NUP214: variants seen among roughly 807,000 people sequenced by gnomAD.
NUP214 encodes nuclear pore complex protein Nup214.
A neutral mutation model predicts 196.2 loss-of-function variants in NUP214; 79 were observed. The observed-to-expected ratio is 0.40, with a 90% CI of 0.34 to 0.49. NUP214 has a LOEUF of 0.49. Among genes scored for constraint, NUP214 ranks in the 20% least tolerant of loss-of-function variants. The probability of loss-of-function intolerance (pLI) is 0.58; values close to 1 mark genes in which losing one functional copy is unlikely to be tolerated. For missense variants in NUP214, 2,468 were observed against 2,539.0 expected (o/e 0.97, Z 0.60); for synonymous variants, 1,020 against 990.5 (o/e 1.03, Z -0.56).
chr9:131,164,034 A>G lies in NUP214; in HGVS notation c.2810-27A>G, dbSNP rs745366148. On this transcript the variant is annotated intron_variant, in intron 20 of 35. Transcript: ENST00000359428. ...ATATCTTAAAAACTGAGTCTTAATC[A>G]TTTATGGGTTTATGGATTTCTTGCA... 3.7e-6 allele frequency: 6 copies of G among 1,613,892 alleles called. No individual in the cohort carries two copies. In the South Asian group the frequency reaches 5.5e-5, roughly 15 times the overall value.
Position 131,129,343 on chromosome 9 carries a change from T to C in NUP214, c.458T>C (p.Ile153Thr), listed in dbSNP as rs753233041. The C allele has an allele frequency of 5.0e-6, 8 of 1,614,112 alleles. No individual in the cohort carries two copies. In the Admixed American group the frequency reaches 8.3e-5, roughly 17 times the overall value. Reference sequence around the variant, plus strand: ...TTGAAAGATGCAGGAGGCATGGTGATTGATATGAAGTGGAACCCCACTGTC... The same window carrying C: ...TTGAAAGATGCAGGAGGCATGGTGACTGATATGAAGTGGAACCCCACTGTC... The part of the protein sequence containing the change: ...KLLKDAGGMV[I>T]DMKWNPTVPS... Residue 153 changes from isoleucine (I) to threonine (T), a missense_variant, in exon 4 of 36, where the codon ATT becomes ACT. Coordinates refer to ENST00000359428, the MANE Select transcript of NUP214 (RefSeq NM_005085.4).
chr9:131,137,150 C>T (rs191183480), intron 9 of NUP214, among the ~76,000 whole-genome samples: 3 of 152,266 alleles, frequency 2.0e-5, no homozygotes, highest in Admixed American at 2.0e-4. Flanking sequence ...CTTATTAGTA[C>T]AAGTATTTCA....
At chr9:131,181,518 C>T (rs1207566290) in intron 24 of NUP214, among the ~76,000 whole-genome samples, 1 of 152,210 alleles carries the variant, frequency 6.6e-6, no homozygotes. Flanking sequence ...TGGTTATAGT[C>T]ATCCTAGTGG....
Position 131,198,824 on chromosome 9 carries a change from G to A in NUP214, c.5330G>A (p.Ser1777Asn). Residue 1777 changes from serine to asparagine, a missense_variant, in exon 29 of 36, where the codon AGT becomes AAT. Coordinates refer to ENST00000359428, the MANE Select transcript of NUP214 (RefSeq NM_005085.4). ...TSGSVFGAAS[S>N]TSSSSSFSFG... Reference sequence around the variant, plus strand: ...GGAAGTGTCTTTGGTGCCGCCTCAAGTACCAGTAGCTCCAGTTCCTTCTCA... The same window carrying A: ...GGAAGTGTCTTTGGTGCCGCCTCAAATACCAGTAGCTCCAGTTCCTTCTCA... 6.2e-7 allele frequency: 1 copy of A among 1,614,222 alleles called. No individual in the cohort carries two copies. Among genetic ancestry groups the A allele is most frequent in the Non-Finnish European group, 8.5e-7 (1 of 1,180,046 alleles).
chr9:131,128,247 A>T, intron 2 of NUP214, 85 bp from the exon 3 acceptor site: 1 of 1,365,622 alleles, frequency 7.3e-7, no homozygotes, highest in Non-Finnish European at 9.9e-7. Flanking sequence ...AGATGCAAAA[A>T]TTTTTTCACA....
chr9:131,140,529 T>C lies in NUP214; in HGVS notation c.1133-20T>C. On this transcript the variant is annotated intron_variant, in intron 10 of 35. Transcript: ENST00000359428. ...CTTAAATTCACTTGGTTTTTTTATT[T>C]TTGTTTTCTTTTTTAACAGGTGATG... The C allele has an allele frequency of 1.3e-6, 2 of 1,590,450 alleles. No individual in the cohort carries two copies. The highest frequency in any genetic ancestry group is 1.7e-6 in the Non-Finnish European group (2 of 1,172,940).
Position 131,151,782 on chromosome 9 carries a change from G to C in NUP214, c.2324G>C (p.Gly775Ala), listed in dbSNP as rs751835760. ...ISSLKTTLLE[G>A]FAGVEEAREQ... is the part of the protein sequence containing the mutation. ...AGCCTGAAAACAACTTTACTTGAGGGCTTTGCTGGTGTTGAGGAAGCCAGA... is the reference window on the plus strand; with the variant it reads ...AGCCTGAAAACAACTTTACTTGAGGCCTTTGCTGGTGTTGAGGAAGCCAGA... Residue 775 changes from glycine to alanine, a missense_variant, in exon 17 of 36, where the codon GGC becomes GCC. Gly to Ala is a moderately conservative substitution (Grantham distance 60, BLOSUM62 0). Around this residue, in one of 5 missense-constraint regions of NUP214, gnomAD observed 1,801 missense variants for 1,779.4 expected, o/e 1.01. Coordinates refer to ENST00000359428, the MANE Select transcript of NUP214 (RefSeq NM_005085.4). 6 of 1,613,480 alleles carry C rather than the reference G, an allele frequency of 3.7e-6. No individual in the cohort carries two copies. Among genetic ancestry groups the C allele is most frequent in the South Asian group, 1.1e-5 (1 of 90,992 alleles).
chr9:131,190,193 G>A (rs1409777), intron 26 of NUP214: 107,227 of 383,074 alleles, frequency 0.28, 15,807 homozygotes, highest in East Asian at 0.4. Flanking sequence ...CTTCTCGACC[G>A]GGGCCTAAAG....
At chr9:131,190,387 G>T (rs2131028976) in intron 26 of NUP214, 2 of 673,960 alleles carry the variant, frequency 3.0e-6, no homozygotes, top group African/African-American at 1.8e-5. Context: ...CAAGTAGTGT[G>T]ACTTGCAAGA....
chr9:131,128,530 A>G (rs1052242895), intron 3 of NUP214, 47 bp downstream of exon 3: 1 of 1,492,732 alleles, frequency 6.7e-7, no homozygotes, highest in Admixed American at 2.0e-5. Context: ...CCCTAAGCAG[A>G]TTTCCTTGTA....
chr9:131,129,308 T>C lies in NUP214; in HGVS notation c.423T>C (p.Tyr141=), dbSNP rs1397686321. 1.2e-6 allele frequency: 2 copies of C among 1,614,252 alleles called. No homozygotes were observed. Among genetic ancestry groups the C allele is most frequent in the Non-Finnish European group, 1.7e-6 (2 of 1,180,046 alleles). Reference sequence around the variant, plus strand: ...AACAGCAAAAACGCCCATTTGCCTATCATAAGCTTTTGAAAGATGCAGGAG... The same window carrying C: ...AACAGCAAAAACGCCCATTTGCCTACCATAAGCTTTTGAAAGATGCAGGAG... ...EAKQQKRPFA[Y]HKLLKDAGGM... is the part of the protein sequence containing the mutation. The change falls in exon 4 of 36, where the codon TAT becomes TAC. Residue 141 remains tyrosine (Y), a synonymous_variant. Transcript: ENST00000359428.
chr9:131,138,058 C>T (rs1454302919), intron 9 of NUP214, among the ~76,000 whole-genome samples: 1 of 152,154 alleles, frequency 6.6e-6, no homozygotes, highest in Non-Finnish European at 1.5e-5. Context: ...CTGTTACCTG[C>T]TCCATAGCTA....
intron 31 of NUP214, among the ~76,000 whole-genome samples, chr9:131,219,008 G>A (rs921568758): frequency 1.3e-4 from 20 of 152,050 alleles, no homozygotes; most frequent in African/African-American, 4.8e-4. Flanking sequence ...TTGCCTGAGG[G>A]TCATTCAGGC....
intron 24 of NUP214, 150 bp downstream of exon 24, chr9:131,178,560 A>G (rs1400671981): frequency 1.6e-6 from 1 of 607,852 alleles, no homozygotes; most frequent in Non-Finnish European, 2.9e-6. Context: ...CTGCCTACAC[A>G]ATGCATTTTC....
intron 31 of NUP214, among the ~76,000 whole-genome samples, chr9:131,220,672 CAG>C (rs2131090832): frequency 6.6e-6 from 1 of 152,310 alleles, no homozygotes; most frequent in East Asian, 1.9e-4. Flanking sequence ...AGCATCCCTG[CAG>C]AGTCACAATT....
At position 131,187,292 on chromosome 9, in the gene NUP214, T is replaced by G; in HGVS notation, c.3423T>G (p.Ser1141=). 1 of 1,613,886 alleles carries G rather than the reference T, an allele frequency of 6.2e-7. No individual in the cohort carries two copies. Among genetic ancestry groups the G allele is most frequent in the South Asian group, 1.1e-5 (1 of 91,076 alleles). Residue 1141 remains serine (S), a synonymous_variant, in exon 25 of 36, where the codon TCT becomes TCG. Transcript: ENST00000359428. Reference sequence around the variant, plus strand: ...GTATGCTTTGTGTGTTTTTCAGTTCTTCAGTGCCCTACTCCACAGCCAAAA... The same window carrying G: ...GTATGCTTTGTGTGTTTTTCAGTTCGTCAGTGCCCTACTCCACAGCCAAAA... The part of the protein sequence containing the change: ...NPATPSTAMG[S]SVPYSTAKTP...
chr9:131,214,140 C>T (rs911966285), intron 30 of NUP214, among the ~76,000 whole-genome samples: 1 of 151,838 alleles, frequency 6.6e-6, no homozygotes, highest in Non-Finnish European at 1.5e-5. Flanking sequence ...AGGGGATACC[C>T]TAGGGGGTGG....
rs1347914736 is a variant in NUP214, at chr9:131,230,651, C to T, written c.6096C>T (p.Thr2032=). The change falls in exon 34 of 36, where the codon ACC becomes ACT. Residue 2032 remains threonine (T), a synonymous_variant. Transcript: ENST00000359428. ...GCAGGTTTGGGAGCAGCAGCAACAC[C>T]ACATCCTTCGGCACGCTCGCGAGTC... ...GGFGFGSSSN[T]TSFGTLASQN... The T allele has an allele frequency of 1.9e-6, 3 of 1,614,126 alleles. No homozygotes were observed. The highest frequency in any genetic ancestry group is 2.2e-5 in the South Asian group (2 of 91,072).
At chr9:131,224,539 G>A (rs1344587128) in intron 32 of NUP214, among the ~76,000 whole-genome samples, 3 of 152,164 alleles carry the variant, frequency 2.0e-5, no homozygotes, top group Non-Finnish European at 4.4e-5. Context: ...TCTAACCTCA[G>A]GACTAGATGC....
Sources: allele counts gnomAD v4.1 joint callset (sites outside exome capture counted in the v4.1 genomes callset), GRCh38; gene constraint gnomAD v4.1.1; regional missense constraint gnomAD v4.1.1; transcripts MANE v1.5; gene names NCBI Gene and HGNC (gene_info 2026-07-23, HGNC 2026-07-21).